Variants in FKTN observed in about 807,000 individuals in gnomAD.
FKTN encodes fukutin.
FKTN carries 47 observed loss-of-function variants against 58.6 expected under a neutral mutation model. The ratio of observed to expected loss-of-function variants is 0.80; its 90% CI spans 0.63 to 1.02. The LOEUF (loss-of-function observed/expected upper bound fraction) is 1.02. FKTN is among the 50% of genes least tolerant of loss of function. The probability of loss-of-function intolerance (pLI) is 0.00; values close to 1 mark genes in which losing one functional copy is unlikely to be tolerated. For synonymous variants in FKTN, 178 were observed against 191.9 expected (o/e 0.93, Z 0.60); for missense variants, 516 against 537.3 (o/e 0.96, Z 0.39).
chr9:105,607,648 G>A (rs1442199165), intron 6 of FKTN, among the ~76,000 whole-genome samples, 171 bp from the exon 7 acceptor site: 1 of 152,024 alleles, frequency 6.6e-6, no homozygotes, highest in Non-Finnish European at 1.5e-5. Flanking sequence ...TGGGACACAT[G>A]TACTGAACGT....
chr9:105,601,462 T>G, intron 5 of FKTN, 114 bp downstream of exon 5: 2 of 705,914 alleles, frequency 2.8e-6, no homozygotes, highest in Non-Finnish European at 2.5e-6. Flanking sequence ...CTTTATAAAT[T>G]GTATCAGGAA....
At chr9:105,634,597 G>A (rs977028567) in intron 10 of FKTN, among the ~76,000 whole-genome samples, 2 of 152,174 alleles carry the variant, frequency 1.3e-5, no homozygotes, top group Admixed American at 6.5e-5. Flanking sequence ...TGGAACCAAA[G>A]GAAAAGCCTG....
chr9:105,560,493 ACTT>A (rs1381238401), intron 1 of FKTN, among the ~76,000 whole-genome samples: 1 of 152,226 alleles, frequency 6.6e-6, no homozygotes, highest in Non-Finnish European at 1.5e-5. Context: ...AAATAATTTT[ACTT>A]CTTATGAAAA....
rs1834103211 is a variant in FKTN at position 105,637,208 on chromosome 9, C to T, written c.*1944C>T. On this transcript the variant is annotated 3_prime_UTR_variant, in exon 11 of 11. Transcript: ENST00000357998. Reference sequence around the variant, plus strand: ...TGTGCTCAGTATTTAGAAATGCATACACTCCACATTTCTCCCCATTTCCAA... The same window carrying T: ...TGTGCTCAGTATTTAGAAATGCATATACTCCACATTTCTCCCCATTTCCAA... 2 of 983,286 alleles carry T rather than the reference C, an allele frequency of 2.0e-6. No homozygotes were observed. Among genetic ancestry groups the T allele is most frequent in the Non-Finnish European group, 2.4e-6 (2 of 827,778 alleles). The allele number at this position is 983,286 out of a possible 1,614,324, so 60.9% of individuals were successfully genotyped here.
chr9:105,619,797 A>G lies in FKTN; in HGVS notation c.1045-137A>G, dbSNP rs1426928382. ...ATTTCAGAGGTGCCTTAACTTGAAA[A>G]AATGTGCATCTTAGAATGAATACTC... is the stretch of plus-strand genomic sequence containing the variant. On this transcript the variant is annotated intron_variant, in intron 9 of 10. Coordinates refer to ENST00000357998, the MANE Select transcript of FKTN (RefSeq NM_001079802.2). 1.3e-5 allele frequency: 10 copies of G among 748,482 alleles called. No homozygotes were observed. In the East Asian group the frequency reaches 2.9e-4, roughly 22 times the overall value. The allele number at this position is 748,482 out of a possible 1,614,324, so 46.4% of individuals were successfully genotyped here.
chr9:105,570,428 C>T (rs898338385), intron 1 of FKTN, among the ~76,000 whole-genome samples: 2 of 152,160 alleles, frequency 1.3e-5, no homozygotes, highest in African/African-American at 4.8e-5. Context: ...TTCATTGCAA[C>T]TATACTGTAT....
chr9:105,568,492 A>C (rs1754227007), intron 1 of FKTN, among the ~76,000 whole-genome samples: 1 of 152,250 alleles, frequency 6.6e-6, no homozygotes, highest in Non-Finnish European at 1.5e-5. Flanking sequence ...ATGAACAGAC[A>C]CTTCTCAAAA....
rs1034428150 is a variant in FKTN, at chr9:105,635,626, G to A, written c.*362G>A. The A allele has an allele frequency of 7.2e-5, 83 of 1,151,904 alleles. No individual in the cohort carries two copies. The highest frequency in any genetic ancestry group is 8.6e-5 in the Non-Finnish European group (80 of 930,070). 71.4% of individuals were successfully genotyped at this position (1,151,904 alleles called of 1,614,324 possible). ...TGAAGTAATGTTTGAACTGGAAGAT[G>A]AGCTCACCAGGCAAAGCTAAGGAAG... On this transcript the variant is annotated 3_prime_UTR_variant, in exon 11 of 11. Transcript: ENST00000357998.
Position 105,604,237 on chromosome 9 carries a change from A to G in FKTN, c.392A>G (p.Glu131Gly). 6.2e-7 allele frequency: 1 copy of G among 1,612,564 alleles called. No individual in the cohort carries two copies. The highest frequency in any genetic ancestry group is 8.5e-7 in the Non-Finnish European group (1 of 1,179,994). The stretch of plus-strand genomic sequence containing the variant: ...TAGGAAGGCTGGTTTCGGATAGCTG[A>G]GAATATGGGATTTCAGTGCCTAAAG... ...KNEEGWFRIA[E>G]NMGFQCLKIE... The change falls in exon 6 of 11, where the codon GAG (glutamate) becomes GGG (glycine). Residue 131 changes from glutamate to glycine, a missense_variant. By Grantham distance (98) the Glu-to-Gly change is moderately conservative (BLOSUM62 -2). Coordinates refer to ENST00000357998, the MANE Select transcript of FKTN (RefSeq NM_001079802.2).
At chr9:105,589,727 TGAA>T (rs1163903737) in intron 3 of FKTN, among the ~76,000 whole-genome samples, 1 of 151,988 alleles carries the variant, frequency 6.6e-6, no homozygotes, top group African/African-American at 2.4e-5. Flanking sequence ...GTTCTTCAGG[TGAA>T]GAAGGATAGA....
At chr9:105,585,881 T>C (rs1843807372) in intron 3 of FKTN, among the ~76,000 whole-genome samples, 1 of 152,204 alleles carries the variant, frequency 6.6e-6, no homozygotes, top group South Asian at 2.1e-4. Context: ...AAAACCAAGA[T>C]TCTAAGTCAT....
intron 10 of FKTN, among the ~76,000 whole-genome samples, chr9:105,630,455 C>T (rs2133380951): frequency 6.6e-6 from 1 of 152,194 alleles, no homozygotes; most frequent in East Asian, 1.9e-4. Context: ...TTTTCCCTAC[C>T]AGAGTATACT....
chr9:105,566,211 T>C (rs948733986), intron 1 of FKTN, among the ~76,000 whole-genome samples: 10 of 152,088 alleles, frequency 6.6e-5, no homozygotes, highest in African/African-American at 2.2e-4. Context: ...AGATCTAAAA[T>C]TGACACCCTA....
At chr9:105,596,318 T>C (rs1468378091) in intron 3 of FKTN, among the ~76,000 whole-genome samples, 1 of 152,216 alleles carries the variant, frequency 6.6e-6, no homozygotes, top group Non-Finnish European at 1.5e-5. Context: ...AGTTTGCCAT[T>C]CATTGATGGA....
rs373776569 is a variant in FKTN at position 105,609,338 on chromosome 9, G to A, written c.780+1387G>A. ...ACATAAAAGCTGCAAGTACAGTACC[G>A]ATAACTTTTTTTTTTCTGAACCACT... On this transcript the variant is annotated intron_variant, in intron 7 of 10. Coordinates refer to ENST00000357998, the MANE Select transcript of FKTN (RefSeq NM_001079802.2). 2.6e-4 allele frequency among the ~76,000 whole-genome samples: 40 copies of A among 151,890 alleles called. 1 individual carries two copies. In the East Asian group the frequency reaches 6.6e-3, roughly 25 times the overall value.
In FKTN at chr9:105,601,314, C is replaced by CAT. The variant is rs1827834311; in HGVS notation, c.336_337dup (p.Phe113TyrfsTer18). The CAT allele has an allele frequency of 6.2e-7, 1 of 1,610,502 alleles. No homozygotes were observed. Among genetic ancestry groups the CAT allele is most frequent in the South Asian group, 1.1e-5 (1 of 91,044 alleles). The stretch of plus-strand genomic sequence containing the variant: ...TTCTGTGTTCCAAGAGACTTTACTG[C>CAT]ATTTGCACTGCAGTATCACCTATGG... On this transcript the variant is annotated frameshift_variant, in exon 5 of 11. Coordinates refer to ENST00000357998, the MANE Select transcript of FKTN (RefSeq NM_001079802.2). LOFTEE classifies it high-confidence loss of function.
chr9:105,586,523 C>T (rs1031277981), intron 3 of FKTN, among the ~76,000 whole-genome samples: 1 of 152,128 alleles, frequency 6.6e-6, no homozygotes, highest in Non-Finnish European at 1.5e-5. Flanking sequence ...ATTGATCACT[C>T]GTCTTACACA....
intron 10 of FKTN, among the ~76,000 whole-genome samples, chr9:105,625,884 C>T (rs1832679844): frequency 6.6e-6 from 1 of 151,126 alleles, no homozygotes; most frequent in Admixed American, 6.6e-5. Context: ...ATATCATTTT[C>T]CCTCACGATC....
intron 1 of FKTN, among the ~76,000 whole-genome samples, chr9:105,569,997 AAAG>A (rs1587830486): frequency 1.3e-5 from 2 of 152,180 alleles, no homozygotes; most frequent in East Asian, 3.9e-4. Context: ...TAACATATAA[AAAG>A]AAGTGTATAT....
Sources: allele counts gnomAD v4.1 joint callset (sites outside exome capture counted in the v4.1 genomes callset), GRCh38; gene constraint gnomAD v4.1.1; transcripts MANE v1.5; gene names NCBI Gene and HGNC (gene_info 2026-07-23, HGNC 2026-07-21).